AEN: variants seen among roughly 807,000 people sequenced by gnomAD.
AEN encodes the protein apoptosis enhancing nuclease.
AEN carries 21 observed loss-of-function variants against 17.7 expected under a neutral mutation model. That is an observed-to-expected ratio of 1.19 (90% CI 0.84 to 1.71). The LOEUF is 1.71. Among genes scored for constraint, AEN ranks in the 40% most tolerant of loss-of-function variants. The pLI is 0.00. For synonymous variants in AEN, 190 were observed against 173.0 expected (o/e 1.10, Z -0.77); for missense variants, 462 against 435.9 (o/e 1.06, Z -0.53).
At chr15:88,616,755 CATTCTGTTTTTTATT>C (rs1364834811), upstream of AEN, among the ~76,000 whole-genome samples, 2 of 152,174 alleles carry the variant, frequency 1.3e-5, no homozygotes, top group East Asian at 3.8e-4. Flanking sequence ...AGTGTCCATA[CATTCTGTTTTTTATT>C]TTCAGTACAG....
In AEN at chr15:88,630,234, C is replaced by T. The variant is rs761863304; in HGVS notation, c.918C>T (p.Pro306=). 93 of 1,603,530 alleles carry T rather than the reference C, an allele frequency of 5.8e-5. No homozygotes were observed. The highest frequency in any genetic ancestry group is 8.7e-5 in the Admixed American group (5 of 57,348). Residue 306 remains proline, a synonymous_variant, in exon 4 of 4, where the codon CCC becomes CCT. Transcript: ENST00000332810. This position sits in a 1 kb window ranked among gnomAD's most constrained non-coding sequence, Gnocchi z 5.1. ...MEQYMEDQYW[P]DDLAHGSRGG... ...AGTACATGGAGGACCAGTACTGGCC[C>T]GATGACCTGGCCCACGGCAGCAGAG...
intron 1 of AEN, among the ~76,000 whole-genome samples, chr15:88,622,153 C>A (rs143797995): frequency 2.0e-4 from 30 of 152,288 alleles, no homozygotes; most frequent in Non-Finnish European, 3.8e-4. Flanking sequence ...TCCTTTGGGG[C>A]CTTTGCTCCA....
chr15:88,619,681 C>G (rs746940202), upstream of AEN, among the ~76,000 whole-genome samples: 5 of 152,070 alleles, frequency 3.3e-5, no homozygotes, highest in Admixed American at 6.6e-5. Context: ...GAGTGAGACT[C>G]CATCTCAAAA....
At chr15:88,614,981 A>C in the AEN span, among the ~76,000 whole-genome samples, 282 of 152,156 alleles carry the variant, frequency 1.9e-3, 1 homozygote, top group African/African-American at 6.4e-3. Flanking sequence ...CTACCGCCTC[A>C]GCCTCCCGAA....
At chr15:88,613,589 G>A in the AEN span, among the ~76,000 whole-genome samples, 2 of 151,782 alleles carry the variant, frequency 1.3e-5, no homozygotes, top group Admixed American at 1.3e-4. Context: ...AGCATCTCGG[G>A]GGGGGATGTG....
rs2057907127 is a variant in AEN, at chr15:88,630,084, A to AG, written c.769dup (p.Glu257GlyfsTer35). 5 of 1,613,948 alleles carry AG rather than the reference A, an allele frequency of 3.1e-6. No individual in the cohort carries two copies. Among genetic ancestry groups the AG allele is most frequent in the Non-Finnish European group, 4.2e-6 (5 of 1,180,022 alleles). ...TGGGCCAGCACGGGCACTCATCAGT[A>AG]GAAGATGCCACGACAGCCATGGAGC... On this transcript the variant is annotated frameshift_variant, in exon 4 of 4. Coordinates refer to ENST00000332810, the MANE Select transcript of AEN (RefSeq NM_022767.4). LOFTEE classifies it low-confidence loss of function (END_TRUNC). The surrounding 1 kb of genome is among the most constrained non-coding windows in gnomAD (Gnocchi z 5.1).
At chr15:88,607,976 A>G in the AEN span, 78 of 336,704 alleles carry the variant, frequency 2.3e-4, 1 homozygote, top group South Asian at 2.1e-3. Context: ...TGTCCGGGGC[A>G]GCTATCATTG....
At chr15:88,608,182 C>A in the AEN span, 6 of 530,618 alleles carry the variant, frequency 1.1e-5, no homozygotes, top group African/African-American at 3.9e-5. Flanking sequence ...TGCCATTTAT[C>A]CTTTTCTGAC....
the AEN span, among the ~76,000 whole-genome samples, chr15:88,614,600 A>T: frequency 6.6e-6 from 1 of 152,128 alleles, no homozygotes; most frequent in Non-Finnish European, 1.5e-5. Flanking sequence ...AACTGCATCA[A>T]CCGGGTTTAC....
rs187647206 is a variant in AEN, at chr15:88,632,248, A to G, written c.*1954A>G. ...TTAAGATCAGCTTTGTTGTAAAACC[A>G]TTTGTTCTAGAATAAAACTCAATTG... On this transcript the variant is annotated 3_prime_UTR_variant, in exon 4 of 4. Transcript: ENST00000332810. 2.8e-4 allele frequency: 42 copies of G among 152,300 alleles called. No homozygotes were observed. In the East Asian group the frequency reaches 6.9e-3, roughly 25 times the overall value. The allele number at this position is 152,300 out of a possible 1,614,324, so 9.4% of individuals were successfully genotyped here. A position where few individuals can be genotyped will look rare whatever the true frequency, so the allele number is the denominator to read the frequency against.
the AEN span, among the ~76,000 whole-genome samples, chr15:88,613,878 GC>G: frequency 1.3e-5 from 2 of 152,096 alleles, no homozygotes; most frequent in Non-Finnish European, 2.9e-5. Context: ...GGTCTCTTCT[GC>G]CTTTTCTTTC....
intron 1 of AEN, among the ~76,000 whole-genome samples, chr15:88,624,073 G>A (rs897023584): frequency 1.3e-5 from 2 of 152,210 alleles, no homozygotes; most frequent in African/African-American, 4.8e-5. Flanking sequence ...TTGTCCTCCA[G>A]CCTGTTTTGC....
chr15:88,626,506 C>G lies in AEN; in HGVS notation c.297C>G (p.Pro99=), dbSNP rs747415479. The stretch of plus-strand genomic sequence containing the variant: ...CCCCATGCAGCAGAAGGCCTGCTCC[C>G]GGGAAAGCCTCAGGGCCCTTGCCCA... ...GSAPCSRRPA[P]GKASGPLPSK... Residue 99 remains proline, a synonymous_variant, in exon 2 of 4, where the codon CCC becomes CCG. Coordinates refer to ENST00000332810, the MANE Select transcript of AEN (RefSeq NM_022767.4). The G allele has an allele frequency of 2.5e-6, 4 of 1,614,002 alleles. No homozygotes were observed. Among genetic ancestry groups the G allele is most frequent in the Non-Finnish European group, 3.4e-6 (4 of 1,180,050 alleles).
upstream of AEN, among the ~76,000 whole-genome samples, chr15:88,619,328 C>G (rs968562745): frequency 1.3e-5 from 2 of 152,110 alleles, no homozygotes; most frequent in African/African-American, 4.8e-5. Flanking sequence ...AAGCTGAACC[C>G]CAAAGACCCC....
At chr15:88,627,415 T>G (rs1248770030) in intron 2 of AEN, 2 of 151,062 alleles carry the variant, frequency 1.3e-5, no homozygotes, top group East Asian at 3.9e-4. Context: ...AAAAATAAGA[T>G]AGAAACCTAA....
intron 2 of AEN, 108 bp from the exon 3 acceptor site, chr15:88,629,118 C>A: frequency 1.8e-6 from 2 of 1,101,390 alleles, no homozygotes; most frequent in Non-Finnish European, 2.7e-6. Context: ...GGTGCTGCCT[C>A]CCCCCACAGG....
In AEN at chr15:88,630,227, A is replaced by G; in HGVS notation, c.911A>G (p.Tyr304Cys). The change falls in exon 4 of 4, where the codon TAC (tyrosine) becomes TGC (cysteine). Residue 304 changes from tyrosine to cysteine, a missense_variant. Tyr to Cys is a radical substitution (Grantham distance 194). Transcript: ENST00000332810. The surrounding 1 kb of genome is among the most constrained non-coding windows in gnomAD (Gnocchi z 5.1). Reference protein sequence around the residue: ...TDMEQYMEDQYWPDDLAHGSR... With the variant: ...TDMEQYMEDQCWPDDLAHGSR... ...ATGGAACAGTACATGGAGGACCAGT[A>G]CTGGCCCGATGACCTGGCCCACGGC... 5 of 1,606,272 alleles carry G rather than the reference A, an allele frequency of 3.1e-6. No individual in the cohort carries two copies. Among genetic ancestry groups the G allele is most frequent in the East Asian group, 2.2e-5 (1 of 44,620 alleles).
rs1324243102 is a variant in AEN at position 88,626,429 on chromosome 15, A to G, written c.220A>G (p.Thr74Ala). ...CACCCCTTTCGGGGCAGCGACAGCAACTGAAGCTGCCAGCAGTGGGAAGCA... is the reference window on the plus strand; with the variant it reads ...CACCCCTTTCGGGGCAGCGACAGCAGCTGAAGCTGCCAGCAGTGGGAAGCA... ...LPTPFGAATATEAASSGKQCL... is the reference protein window; with the variant it reads ...LPTPFGAATAAEAASSGKQCL... Residue 74 changes from threonine (T) to alanine (A), a missense_variant, in exon 2 of 4, where the codon ACT becomes GCT. Physicochemically the swap from Thr to Ala is moderately conservative, Grantham distance 58 (BLOSUM62 0). Coordinates refer to ENST00000332810, the MANE Select transcript of AEN (RefSeq NM_022767.4). 1.2e-6 allele frequency: 2 copies of G among 1,613,516 alleles called. No individual in the cohort carries two copies. The highest frequency in any genetic ancestry group is 4.5e-5 in the East Asian group (2 of 44,880).
the AEN span, among the ~76,000 whole-genome samples, chr15:88,609,083 T>G: frequency 1.2e-4 from 19 of 152,166 alleles, no homozygotes; most frequent in Admixed American, 1.3e-4. Flanking sequence ...CAGTCAGTCT[T>G]TTTTTGGTTC....
Sources: allele counts gnomAD v4.1 joint callset (sites outside exome capture counted in the v4.1 genomes callset), GRCh38; gene constraint gnomAD v4.1.1; non-coding constraint Gnocchi (gnomAD v3.1); transcripts MANE v1.5; gene names NCBI Gene and HGNC (gene_info 2026-07-23, HGNC 2026-07-21).